Variants in CDH23 observed in about 807,000 individuals in gnomAD.
CDH23 encodes cadherin related 23, also known as cadherin-23.
A neutral mutation model predicts 317.1 loss-of-function variants in CDH23; 189 were observed. The observed-to-expected ratio is 0.60, with a 90% CI of 0.53 to 0.67. The LOEUF is 0.67. Ranked by LOEUF, CDH23 falls within the 30% of genes least tolerant of loss-of-function variation. The pLI is 0.00. For missense variants in CDH23, 4,401 were observed against 4,592.4 expected (o/e 0.96, Z 1.20); for synonymous variants, 1,839 against 1,876.8 (o/e 0.98, Z 0.52).
At chr10:71,442,784 C>A (rs1271205254) in intron 2 of CDH23, among the ~76,000 whole-genome samples, 1 of 152,156 alleles carries the variant, frequency 6.6e-6, no homozygotes, top group African/African-American at 2.4e-5. Flanking sequence ...ATGCGGCCAC[C>A]TGGCTTCCCC....
rs1449415936 is a variant in CDH23 at position 71,637,970 on chromosome 10, G to A, written c.1135-5891G>A. Among the ~76,000 whole-genome samples, 9 of 152,032 alleles carry A rather than the reference G, an allele frequency of 5.9e-5. No individual in the cohort carries two copies. In the East Asian group the frequency reaches 1.7e-3, roughly 29 times the overall value. On this transcript the variant is annotated intron_variant, in intron 11 of 69. Transcript: ENST00000224721. Reference sequence around the variant, plus strand: ...AGACCTCCTCCAAGGGCACATTGTAGTTTACAGGGTTGGTTGACGGTCCCC... The same window carrying A: ...AGACCTCCTCCAAGGGCACATTGTAATTTACAGGGTTGGTTGACGGTCCCC...
intron 38 of CDH23, among the ~76,000 whole-genome samples, chr10:71,765,928 G>A (rs764520843): frequency 6.6e-6 from 1 of 152,152 alleles, no homozygotes; most frequent in South Asian, 2.1e-4. Flanking sequence ...GGGAGGGAGG[G>A]AAGGCCAGAA....
At chr10:71,620,840 T>A (rs926074585) in intron 11 of CDH23, among the ~76,000 whole-genome samples, 21 of 152,332 alleles carry the variant, frequency 1.4e-4, no homozygotes, top group Middle Eastern at 3.4e-3. Context: ...CCATCCCTCA[T>A]GTGGCACCGG....
intron 26 of CDH23, chr10:71,707,503 C>T (rs561395226): frequency 9.3e-7 from 1 of 1,071,990 alleles, no homozygotes; most frequent in South Asian, 3.5e-5. Context: ...ATGGTTTTAG[C>T]TCAAAAATGT....
chr10:71,689,880 G>A (rs937060961), intron 19 of CDH23, among the ~76,000 whole-genome samples: 4 of 152,136 alleles, frequency 2.6e-5, no homozygotes, highest in African/African-American at 4.8e-5. Context: ...AGGAGGGGCT[G>A]GAGCCAGAAG....
intron 55 of CDH23, among the ~76,000 whole-genome samples, chr10:71,803,623 G>A (rs993452646): frequency 1.3e-5 from 2 of 152,062 alleles, no homozygotes; most frequent in African/African-American, 4.8e-5. Context: ...CCTGCCCAGT[G>A]CCACACAGGG....
intron 6 of CDH23, among the ~76,000 whole-genome samples, chr10:71,561,622 C>G (rs1303028456): frequency 1.3e-5 from 2 of 152,208 alleles, no homozygotes; most frequent in Non-Finnish European, 2.9e-5. Context: ...GGCCCATTTA[C>G]AGCAGGTCCA....
At chr10:71,794,408 AT>A (rs930099840) in intron 48 of CDH23, 1 of 152,200 alleles carries the variant, frequency 6.6e-6, no homozygotes, top group African/African-American at 2.4e-5. Flanking sequence ...GCGATCAATG[AT>A]TTTCTTACAC....
chr10:71,769,073 G>A (rs1341915724), intron 38 of CDH23, among the ~76,000 whole-genome samples: 1 of 152,146 alleles, frequency 6.6e-6, no homozygotes, highest in Non-Finnish European at 1.5e-5. Context: ...TGAAAGCCCA[G>A]CTTGCCTGGC....
intron 6 of CDH23, among the ~76,000 whole-genome samples, chr10:71,561,052 T>C (rs183728224): frequency 1.8e-4 from 27 of 151,764 alleles, no homozygotes; most frequent in African/African-American, 5.3e-4. Context: ...CTTTTCTCTC[T>C]CTCTCCTATC....
chr10:71,542,328 A>C (rs1250136140), intron 6 of CDH23, among the ~76,000 whole-genome samples: 1 of 152,204 alleles, frequency 6.6e-6, no homozygotes. Context: ...CCTCATATGG[A>C]GAATGAGGGA....
In CDH23 at chr10:71,569,082, C is replaced by T. The variant is rs573110980; in HGVS notation, c.625-1708C>T. On this transcript the variant is annotated intron_variant, in intron 7 of 69. Transcript: ENST00000224721. ...CTGGGTGCCTGGTGGTCATTCAGGT[C>T]CCTAGCTGGGAGCTCTCCCCATGGG... Among the ~76,000 whole-genome samples, 5 of 152,318 alleles carry T rather than the reference C, an allele frequency of 3.3e-5. No individual in the cohort carries two copies. In the East Asian group the frequency reaches 9.7e-4, roughly 29 times the overall value.
At chr10:71,699,046 G>C (rs908383497) in intron 22 of CDH23, among the ~76,000 whole-genome samples, 1 of 152,214 alleles carries the variant, frequency 6.6e-6, no homozygotes, top group Non-Finnish European at 1.5e-5. Context: ...CTGGCACATG[G>C]GGAGTGGTCG....
At position 71,803,319 on chromosome 10, in the gene CDH23, C is replaced by G; in HGVS notation, c.7771C>G (p.Leu2591Val). 6.3e-7 allele frequency: 1 copy of G among 1,593,048 alleles called. No homozygotes were observed. Among genetic ancestry groups the G allele is most frequent in the South Asian group, 1.1e-5 (1 of 87,724 alleles). Reference sequence around the variant, plus strand: ...GGCCACAGATGGTGGAGAGCCCCCACTCTGGGGCACCACCATGCTCCTGGT... The same window carrying G: ...GGCCACAGATGGTGGAGAGCCCCCAGTCTGGGGCACCACCATGCTCCTGGT... ...VVATDGGEPP[L>V]WGTTMLLVEV... Residue 2591 changes from leucine (L) to valine (V), a missense_variant, in exon 55 of 70, where the codon CTC (leucine) becomes GTC (valine). Physicochemically the swap from Leu to Val is conservative, Grantham distance 32. Transcript: ENST00000224721.
chr10:71,803,140 A>C (rs1231729631), intron 54 of CDH23, 65 bp downstream of exon 54: 1 of 1,602,918 alleles, frequency 6.2e-7, no homozygotes, highest in African/African-American at 1.3e-5. Context: ...CTGCCAGCCC[A>C]GGCCAGGAGT....
chr10:71,792,852 A>AATATATATATATATATATATATATAT (rs1554874675), intron 47 of CDH23, among the ~76,000 whole-genome samples: 6 of 38,500 alleles, frequency 1.6e-4, no homozygotes, highest in Admixed American at 7.7e-4. Context: ...AAAAAAAAAA[A>AATATATATATATATATATATATATAT]ATATATATAT....
At chr10:71,623,616 C>T (rs1861570737) in intron 11 of CDH23, among the ~76,000 whole-genome samples, 1 of 152,194 alleles carries the variant, frequency 6.6e-6, no homozygotes, top group Non-Finnish European at 1.5e-5. Context: ...AAGTCTCCCA[C>T]ACGGGAGACA....
At chr10:71,470,773 G>A (rs1449976568) in intron 3 of CDH23, among the ~76,000 whole-genome samples, 1 of 152,214 alleles carries the variant, frequency 6.6e-6, no homozygotes, top group Admixed American at 6.5e-5. Context: ...TTACAGGCAT[G>A]AGCCACTGTG....
chr10:71,740,297 T>A (rs898146848), intron 36 of CDH23, among the ~76,000 whole-genome samples: 6 of 152,224 alleles, frequency 3.9e-5, no homozygotes, highest in African/African-American at 1.4e-4. Context: ...TGCAGAGGGC[T>A]CAGCTCCTGC....
Sources: allele counts gnomAD v4.1 joint callset (sites outside exome capture counted in the v4.1 genomes callset), GRCh38; gene constraint gnomAD v4.1.1; transcripts MANE v1.5; gene names NCBI Gene and HGNC (gene_info 2026-07-23, HGNC 2026-07-21).